The following TPRG1 variants were observed in gnomAD, a reference collection of about 807,000 sequenced individuals.
The protein encoded by TPRG1 is tumor protein p63 regulated 1.
In TPRG1, 29 loss-of-function variants were observed where a neutral mutation model predicts 29.3. The ratio of observed to expected loss-of-function variants is 0.99; its 90% CI spans 0.74 to 1.35. The LOEUF is 1.35. TPRG1 is among the 40% of genes most tolerant of loss of function. The pLI, the probability that TPRG1 is intolerant of heterozygous loss-of-function variation, is 0.00. For missense variants in TPRG1, 327 were observed against 335.0 expected (o/e 0.98, Z 0.19); for synonymous variants, 130 against 116.8 (o/e 1.11, Z -0.73).
At chr3:189,184,994 G>A (rs1034302715) in intron 1 of TPRG1, among the ~76,000 whole-genome samples, 1 of 152,180 alleles carries the variant, frequency 6.6e-6, no homozygotes. Flanking sequence ...CTGTCCCAGT[G>A]GGTTTGGTGG....
chr3:189,233,837 A>T (rs1347193572), intron 3 of TPRG1, among the ~76,000 whole-genome samples: 2 of 152,118 alleles, frequency 1.3e-5, no homozygotes, highest in Non-Finnish European at 2.9e-5. Context: ...TTAGGGCCAC[A>T]ACTGAAGCAC....
At chr3:189,141,788 C>T (rs1379040206) in intron 3 of TPRG1, among the ~76,000 whole-genome samples, 2 of 152,064 alleles carry the variant, frequency 1.3e-5, no homozygotes, top group East Asian at 1.9e-4. Context: ...CAAGTTCATA[C>T]ACTATATTTT....
chr3:189,150,002 A>G (rs996224651), intron 4 of TPRG1, among the ~76,000 whole-genome samples: 5 of 152,222 alleles, frequency 3.3e-5, no homozygotes, highest in Non-Finnish European at 5.9e-5. Flanking sequence ...GGGCACACTG[A>G]CCAGTGTCCT....
At chr3:189,247,964 GA>G (rs1422059501) in intron 4 of TPRG1, among the ~76,000 whole-genome samples, 8 of 149,126 alleles carry the variant, frequency 5.4e-5, no homozygotes, top group Admixed American at 3.3e-4. Flanking sequence ...TTGACATATA[GA>G]TTTTTTTTTT....
At chr3:189,083,423 G>A (rs1047486311) in intron 4 of TPRG1, among the ~76,000 whole-genome samples, 2 of 152,222 alleles carry the variant, frequency 1.3e-5, no homozygotes, top group African/African-American at 2.4e-5. Flanking sequence ...CTATCTGATC[G>A]ACTGGTCCTT....
At chr3:189,136,403 G>A (rs943688499) in intron 3 of TPRG1, among the ~76,000 whole-genome samples, 1 of 152,110 alleles carries the variant, frequency 6.6e-6, no homozygotes, top group African/African-American at 2.4e-5. Flanking sequence ...TTCTGGAGAG[G>A]AGCTATTAGG....
rs1157272501 is a variant in TPRG1 at position 189,266,317 on chromosome 3, A to T, written c.479+27408A>T. Among the ~76,000 whole-genome samples the T allele has an allele frequency of 6.6e-5, 10 of 152,262 alleles. No individual in the cohort carries two copies. The South Asian group carries it at 8.3e-4, about 13-fold the overall frequency. On this transcript the variant is annotated intron_variant, in intron 4 of 5. Transcript: ENST00000345063. Reference sequence around the variant, plus strand: ...AGATGTCAGTTCCTCTATGTGTATTATTTAAGGTGTTACAAAATGTTAATA... The same window carrying T: ...AGATGTCAGTTCCTCTATGTGTATTTTTTAAGGTGTTACAAAATGTTAATA...
chr3:189,238,776 A>G lies in TPRG1; in HGVS notation c.346A>G (p.Thr116Ala). The G allele has an allele frequency of 1.2e-6, 2 of 1,613,698 alleles. No homozygotes were observed. The highest frequency in any genetic ancestry group is 1.7e-6 in the Non-Finnish European group (2 of 1,179,664). ...NNEKERILLV[T>A]DKTLLICKYD... ...TGAGAAGGAGAGAATTCTACTGGTC[A>G]CAGACAAGACTCTCTTGATCTGCAA... Residue 116 changes from threonine (T) to alanine (A), a missense_variant, in exon 4 of 6, where the codon ACA becomes GCA. Physicochemically the swap from Thr to Ala is moderately conservative, Grantham distance 58. Coordinates refer to ENST00000345063, the MANE Select transcript of TPRG1 (RefSeq NM_198485.4).
intron 1 of TPRG1, among the ~76,000 whole-genome samples, chr3:189,183,407 G>A (rs960474522): frequency 1.3e-5 from 2 of 151,970 alleles, no homozygotes; most frequent in African/African-American, 2.4e-5. Context: ...ATGAAGTTTC[G>A]GGCACCATTG....
intron 1 of TPRG1, among the ~76,000 whole-genome samples, chr3:189,105,569 G>A (rs1270354303): frequency 6.6e-6 from 1 of 151,746 alleles, no homozygotes; most frequent in Non-Finnish European, 1.5e-5. Context: ...GTAGGTATGT[G>A]GGGTCAAGAT....
chr3:189,184,281 AT>A lies in TPRG1; in HGVS notation c.-10+12151del, dbSNP rs760121280. On this transcript the variant is annotated intron_variant, in intron 1 of 5. Coordinates refer to ENST00000345063, the MANE Select transcript of TPRG1 (RefSeq NM_198485.4). ...ACCATGAGGCTATGATGAGTTTGCAATGAGCCAATGCAGATAAAACCATGTG... is the reference window on the plus strand; with the variant it reads ...ACCATGAGGCTATGATGAGTTTGCAAGAGCCAATGCAGATAAAACCATGTG... Among the ~76,000 whole-genome samples the A allele has an allele frequency of 9.2e-5, 14 of 152,342 alleles. No individual in the cohort carries two copies. The East Asian group carries it at 2.7e-3, about 29-fold the overall frequency.
Position 189,261,713 on chromosome 3 carries a change from C to A in TPRG1, c.479+22804C>A, listed in dbSNP as rs80328592. Among the ~76,000 whole-genome samples, 580 of 152,126 alleles carry A rather than the reference C, an allele frequency of 3.8e-3. 3 individuals are homozygous for A. The highest frequency in any genetic ancestry group is 0.013 in the African/African-American group (545 of 41,526). On this transcript the variant is annotated intron_variant, in intron 4 of 5. Transcript: ENST00000345063. ...AGCAGAAAACCAACAGTGTCATGGG[C>A]ACAGGAGAGGGAGAAAGAATTGCTA...
intron 1 of TPRG1, among the ~76,000 whole-genome samples, chr3:189,183,559 A>G (rs1341055996): frequency 6.6e-6 from 1 of 152,060 alleles, no homozygotes; most frequent in African/African-American, 2.4e-5. Flanking sequence ...AGTTTTGATC[A>G]TAGAAGACGA....
At chr3:189,216,922 C>T (rs1736157988) in intron 3 of TPRG1, among the ~76,000 whole-genome samples, 1 of 152,186 alleles carries the variant, frequency 6.6e-6, no homozygotes, top group Admixed American at 6.5e-5. Flanking sequence ...AAACACTTAA[C>T]TAATCTGTTT....
At chr3:189,271,151 G>A (rs1257844690) in intron 4 of TPRG1, among the ~76,000 whole-genome samples, 1 of 152,188 alleles carries the variant, frequency 6.6e-6, no homozygotes, top group African/African-American at 2.4e-5. Flanking sequence ...CGGTAGAGCT[G>A]GGTTTCTTTA....
At position 189,274,836 on chromosome 3, in the gene TPRG1, T is replaced by G. The variant is rs986221549; in HGVS notation, c.480-35550T>G. ...AGCATATGAACAGTTAATTCCCACC[T>G]TAAATTGAATTTTGACCTGTGCTTT... On this transcript the variant is annotated intron_variant, in intron 4 of 5. Transcript: ENST00000345063. Among the ~76,000 whole-genome samples the G allele has an allele frequency of 9.2e-5, 14 of 152,230 alleles. No individual in the cohort carries two copies. In the South Asian group the frequency reaches 2.9e-3, roughly 32 times the overall value.
At chr3:189,167,902 A>G (rs1475943083), upstream of TPRG1, among the ~76,000 whole-genome samples, 2 of 152,190 alleles carry the variant, frequency 1.3e-5, no homozygotes, top group African/African-American at 4.8e-5. Context: ...AGAGGCCAAG[A>G]TAGAAGAGAC....
intron 2 of TPRG1, among the ~76,000 whole-genome samples, chr3:189,130,972 T>C (rs1213437238): frequency 6.6e-6 from 1 of 152,168 alleles, no homozygotes; most frequent in East Asian, 1.9e-4. Context: ...GATTATGAGA[T>C]GTGTACTTTT....
At chr3:189,258,177 G>A (rs1471592666) in intron 4 of TPRG1, among the ~76,000 whole-genome samples, 1 of 151,748 alleles carries the variant, frequency 6.6e-6, no homozygotes, top group Non-Finnish European at 1.5e-5. Flanking sequence ...ACCTTCAGAT[G>A]GAGTTTTTGT....
Sources: allele counts gnomAD v4.1 joint callset (sites outside exome capture counted in the v4.1 genomes callset), GRCh38; gene constraint gnomAD v4.1.1; transcripts MANE v1.5; gene names NCBI Gene and HGNC (gene_info 2026-07-23, HGNC 2026-07-21).